The following ZNF148 variants were observed in gnomAD, a reference collection of about 807,000 sequenced individuals.
ZNF148 encodes the protein Beta-Enolase Repressor Factor-1.
Under a neutral mutation model 67.7 loss-of-function variants are expected in ZNF148, and 7 were observed. The observed-to-expected ratio is 0.10, with a 90% confidence interval of 0.06 to 0.19. The LOEUF is 0.19. Ranked by LOEUF, ZNF148 falls within the 10% of genes least tolerant of loss-of-function variation. The probability of loss-of-function intolerance (pLI) is 1.00; values close to 1 mark genes in which losing one functional copy is unlikely to be tolerated. For synonymous variants in ZNF148, 333 were observed against 330.7 expected (o/e 1.01, Z -0.08); for missense variants, 583 against 947.1 (o/e 0.62, Z 5.05).
intron 5 of ZNF148, among the ~76,000 whole-genome samples, chr3:125,287,630 A>C (rs1415251529): frequency 2.6e-5 from 4 of 152,154 alleles, no homozygotes; most frequent in Admixed American, 2.6e-4. Flanking sequence ...TTGTTTATTT[A>C]CTAACCCATT....
chr3:125,291,826 C>T (rs763599642), intron 4 of ZNF148, among the ~76,000 whole-genome samples: 6 of 152,056 alleles, frequency 3.9e-5, no homozygotes, highest in Non-Finnish European at 8.8e-5. Context: ...AAGTAGTATA[C>T]ACAGCCATAT....
chr3:125,314,490 T>C (rs1240569023), intron 3 of ZNF148, among the ~76,000 whole-genome samples: 1 of 152,206 alleles, frequency 6.6e-6, no homozygotes, highest in Non-Finnish European at 1.5e-5. Context: ...GATCATAGTT[T>C]TCAGCAGTCA....
At position 125,231,126 on chromosome 3, in the gene ZNF148, T is replaced by C. The variant is rs1935839643; in HGVS notation, c.*1215A>G. ...ACTGGAATTAGTAAACACTTTTGGT[T>C]TGTAAAGTTGTAATGAGCAGTGTTC... On this transcript the variant is annotated 3_prime_UTR_variant, in exon 9 of 9. Transcript: ENST00000360647. 1 of 152,252 alleles carries C rather than the reference T, an allele frequency of 6.6e-6. No individual in the cohort carries two copies. The highest frequency in any genetic ancestry group is 2.1e-4 in the South Asian group (1 of 4,836). 9.4% of individuals were successfully genotyped at this position (152,252 alleles called of 1,614,324 possible).
At chr3:125,257,373 G>A (rs1038051920) in intron 7 of ZNF148, among the ~76,000 whole-genome samples, 4 of 151,964 alleles carry the variant, frequency 2.6e-5, no homozygotes, top group African/African-American at 9.7e-5. Flanking sequence ...CCTGAACATG[G>A]CGAAACCCCG....
At chr3:125,247,165 C>G (rs898219824) in intron 7 of ZNF148, among the ~76,000 whole-genome samples, 20 of 152,086 alleles carry the variant, frequency 1.3e-4, no homozygotes, top group African/African-American at 4.6e-4. Flanking sequence ...TAACACCTTT[C>G]TAGTATAGAA....
intron 7 of ZNF148, among the ~76,000 whole-genome samples, chr3:125,238,631 G>A (rs939643486): frequency 6.6e-6 from 1 of 151,690 alleles, no homozygotes; most frequent in African/African-American, 2.4e-5. Context: ...CTGTCTAAAG[G>A]AAAAAAAACG....
At chr3:125,371,586 G>A (rs1330561613) in intron 1 of ZNF148, among the ~76,000 whole-genome samples, 6 of 149,198 alleles carry the variant, frequency 4.0e-5, no homozygotes, top group African/African-American at 5.0e-5. Context: ...TTGAACCCAG[G>A]AGGCAGAGGT....
At chr3:125,241,545 T>C (rs2107528401) in intron 7 of ZNF148, among the ~76,000 whole-genome samples, 1 of 152,312 alleles carries the variant, frequency 6.6e-6, no homozygotes, top group Non-Finnish European at 1.5e-5. Context: ...CTTTTCTTTT[T>C]CCTTCAGTCA....
chr3:125,238,146 T>C (rs1053680754), intron 7 of ZNF148, among the ~76,000 whole-genome samples: 2 of 152,142 alleles, frequency 1.3e-5, no homozygotes, highest in Non-Finnish European at 2.9e-5. Context: ...GAAAATGGAT[T>C]ACAGGCCTAA....
rs534257972 is a variant in ZNF148 at position 125,232,171 on chromosome 3, T to C, written c.*170A>G. 5.1e-6 allele frequency: 4 copies of C among 787,090 alleles called. No homozygotes were observed. In the African/African-American group the frequency reaches 5.2e-5, roughly 10 times the overall value. 48.8% of individuals were successfully genotyped at this position (787,090 alleles called of 1,614,324 possible). On this transcript the variant is annotated 3_prime_UTR_variant, in exon 9 of 9. Coordinates refer to ENST00000360647, the MANE Select transcript of ZNF148 (RefSeq NM_021964.3). The surrounding 1 kb of genome is among the most constrained non-coding windows in gnomAD (Gnocchi z 4.2). ...ACATGTAAGGCAGTTCAAAGAATGC[T>C]GACTAACCAAACGAAATGCAGTTAT... is the stretch of plus-strand genomic sequence containing the variant.
At chr3:125,248,836 A>G (rs1462314538) in intron 7 of ZNF148, among the ~76,000 whole-genome samples, 1 of 152,212 alleles carries the variant, frequency 6.6e-6, no homozygotes, top group African/African-American at 2.4e-5. Flanking sequence ...TTGGCTGTCA[A>G]TTAAATATCT....
chr3:125,258,006 G>A (rs1170382757), intron 7 of ZNF148, among the ~76,000 whole-genome samples: 1 of 152,066 alleles, frequency 6.6e-6, no homozygotes, highest in Non-Finnish European at 1.5e-5. Context: ...CTCTCTAATA[G>A]CATCAGGTCC....
intron 1 of ZNF148, among the ~76,000 whole-genome samples, chr3:125,342,591 T>C (rs1382209440): frequency 7.0e-6 from 1 of 141,920 alleles, no homozygotes; most frequent in African/African-American, 2.6e-5. Context: ...GAAGAAAAGT[T>C]AAAAAAAAAA....
intron 7 of ZNF148, among the ~76,000 whole-genome samples, chr3:125,244,646 C>A (rs1029595226): frequency 6.6e-6 from 1 of 152,054 alleles, no homozygotes. Flanking sequence ...TACAGGCATG[C>A]ACCACCATGC....
intron 7 of ZNF148, among the ~76,000 whole-genome samples, chr3:125,235,004 TGCCACTG>T (rs1936021171): frequency 6.6e-6 from 1 of 152,172 alleles, no homozygotes; most frequent in Non-Finnish European, 1.5e-5. Flanking sequence ...TTATCCATTG[TGCCACTG>T]GCCCCCGCAA....
chr3:125,299,578 GA>G (rs890541008), intron 4 of ZNF148, among the ~76,000 whole-genome samples: 2 of 151,988 alleles, frequency 1.3e-5, no homozygotes, highest in African/African-American at 4.8e-5. Flanking sequence ...ACTTAAGGGG[GA>G]AAAAAAGGAT....
Position 125,233,502 on chromosome 3 carries a change from A to T in ZNF148, c.1224T>A (p.Asn408Lys), listed in dbSNP as rs1204087003. 6.2e-7 allele frequency: 1 copy of T among 1,613,814 alleles called. No individual in the cohort carries two copies. Among genetic ancestry groups the T allele is most frequent in the South Asian group, 1.1e-5 (1 of 91,064 alleles). ...ATGTGGATAAAGGTGAAATTGTTTG[A>T]TTTTGCTCCAGTGGCTGTTTCAGAC... ...KRSLKQPLEQ[N>K]QTISPLSTYE... The change falls in exon 9 of 9, where the codon AAT (asparagine) becomes AAA (lysine). Residue 408 changes from asparagine to lysine, a missense_variant. This residue lies in a region of ZNF148 where 172 missense variants were observed against 307.7 expected (regional missense o/e 0.56). Transcript: ENST00000360647. This position sits in a 1 kb window ranked among gnomAD's most constrained non-coding sequence, Gnocchi z 5.1.
At chr3:125,373,100 T>G (rs1233776140) in intron 1 of ZNF148, among the ~76,000 whole-genome samples, 1 of 151,424 alleles carries the variant, frequency 6.6e-6, no homozygotes, top group African/African-American at 2.4e-5. Flanking sequence ...GAAGGAAGAC[T>G]AGCCTTCTCA....
intron 7 of ZNF148, among the ~76,000 whole-genome samples, chr3:125,273,488 G>A (rs1375197524): frequency 7.1e-6 from 1 of 141,664 alleles, no homozygotes; most frequent in African/African-American, 2.7e-5. Flanking sequence ...TCTTTTTTTT[G>A]GGAAGAGAAT....
Sources: gnomAD v4.1 joint callset for allele counts (sites outside exome capture counted in the v4.1 genomes callset) on GRCh38, gnomAD v4.1.1 for gene constraint, gnomAD v4.1.1 regional missense constraint, Gnocchi (gnomAD v3.1) non-coding constraint, MANE v1.5 for transcripts, NCBI Gene and HGNC (gene_info 2026-07-23, HGNC 2026-07-21) for gene names.